The following NAV2 variants were observed in gnomAD, a reference collection of about 807,000 sequenced individuals.
The protein encoded by NAV2 is helicase, APC down-regulated 1.
Under a neutral mutation model 223.2 loss-of-function variants are expected in NAV2, and 54 were observed. That is an observed-to-expected ratio of 0.24 (90% confidence interval 0.19 to 0.30). The LOEUF is 0.30. Among genes scored for constraint, NAV2 ranks in the 10% least tolerant of loss-of-function variants. The pLI is 1.00. For missense variants in NAV2, 2,806 were observed against 3,147.5 expected (o/e 0.89, Z 2.60); for synonymous variants, 1,279 against 1,239.3 (o/e 1.03, Z -0.67).
intron 1 of NAV2, among the ~76,000 whole-genome samples, chr11:19,471,999 C>T (rs2041980445): frequency 6.6e-6 from 1 of 152,172 alleles, no homozygotes; most frequent in South Asian, 2.1e-4. Flanking sequence ...TGTACTTATC[C>T]CAACTAACGG....
intron 1 of NAV2, among the ~76,000 whole-genome samples, chr11:19,825,604 C>G (rs890670948): frequency 6.6e-6 from 1 of 152,214 alleles, no homozygotes; most frequent in African/African-American, 2.4e-5. Flanking sequence ...CATTCTAGCA[C>G]TTTCAGTGCA....
At chr11:19,644,482 G>A (rs1341934593) in intron 1 of NAV2, among the ~76,000 whole-genome samples, 1 of 152,226 alleles carries the variant, frequency 6.6e-6, no homozygotes, top group African/African-American at 2.4e-5. Flanking sequence ...CCTTTTGACT[G>A]AAGCTAAAGG....
intron 1 of NAV2, among the ~76,000 whole-genome samples, chr11:19,796,822 G>C (rs148351125): frequency 6.6e-6 from 1 of 152,162 alleles, no homozygotes; most frequent in Non-Finnish European, 1.5e-5. Context: ...GGCCTTGCTG[G>C]TACTTGCTGC....
intron 1 of NAV2, among the ~76,000 whole-genome samples, chr11:19,739,286 C>T (rs1273392214): frequency 2.0e-5 from 3 of 152,200 alleles, no homozygotes; most frequent in African/African-American, 7.2e-5. Context: ...TTCATATATA[C>T]TAGATTCTGT....
At chr11:19,381,684 G>A (rs555514046) in intron 1 of NAV2, among the ~76,000 whole-genome samples, 3 of 152,196 alleles carry the variant, frequency 2.0e-5, no homozygotes, top group Non-Finnish European at 4.4e-5. Context: ...GATTGGGAGA[G>A]GAACAGGTCA....
rs376798932 is a variant in NAV2, at chr11:19,801,274, C to T, written c.268-31210C>T. ...AAATGGTAGTCAGTCTGTGGTGGTG[C>T]GGCCTGCCCCCTGCCTGTGGGCAGC... On this transcript the variant is annotated intron_variant, in intron 1 of 37. Coordinates refer to ENST00000349880, the MANE Select transcript of NAV2 (RefSeq NM_145117.5). 2.5e-4 allele frequency among the ~76,000 whole-genome samples: 38 copies of T among 152,324 alleles called. 1 individual carries two copies. In the South Asian group the frequency reaches 7.0e-3, roughly 28 times the overall value.
intron 12 of NAV2, among the ~76,000 whole-genome samples, chr11:20,039,626 AG>A (rs2056729562): frequency 6.6e-6 from 1 of 152,196 alleles, no homozygotes; most frequent in African/African-American, 2.4e-5. Context: ...TTGGTGGCAA[AG>A]GGCTTTAACA....
At chr11:19,603,631 C>CAAAAAAAAAAAAAAAAAAAAAAAAAA (rs1222524445) in intron 1 of NAV2, among the ~76,000 whole-genome samples, 1 of 57,726 alleles carries the variant, frequency 1.7e-5, no homozygotes, top group African/African-American at 4.6e-5. Flanking sequence ...GACTCCATCT[C>CAAAAAAAAAAAAAAAAAAAAAAAAAA]AAAAAAAAAA....
chr11:19,855,059 G>A lies in NAV2; in HGVS notation c.438+12136G>A, dbSNP rs536112837. Among the ~76,000 whole-genome samples, 375 of 151,996 alleles carry A rather than the reference G, an allele frequency of 2.5e-3. 1 individual carries two copies. The highest frequency in any genetic ancestry group is 8.4e-3 in the African/African-American group (347 of 41,426). Reference sequence around the variant, plus strand: ...TCTAACTCTGATGTTTAATAGCTGCGGCTTAGGAAGGCTCTTAAACACTCT... The same window carrying A: ...TCTAACTCTGATGTTTAATAGCTGCAGCTTAGGAAGGCTCTTAAACACTCT... On this transcript the variant is annotated intron_variant, in intron 3 of 37. Coordinates refer to ENST00000349880, the MANE Select transcript of NAV2 (RefSeq NM_145117.5).
chr11:19,745,830 G>A (rs181696979), intron 1 of NAV2, among the ~76,000 whole-genome samples: 5 of 152,140 alleles, frequency 3.3e-5, no homozygotes, highest in East Asian at 3.9e-4. Context: ...ATGCTCACTC[G>A]CCCACCACTC....
intron 1 of NAV2, among the ~76,000 whole-genome samples, chr11:19,775,017 G>A (rs1346847483): frequency 2.6e-5 from 4 of 152,092 alleles, no homozygotes; most frequent in Non-Finnish European, 5.9e-5. Context: ...TGATCTTGCA[G>A]TATTTTCACA....
At chr11:19,462,605 G>A (rs1432777799) in intron 1 of NAV2, among the ~76,000 whole-genome samples, 2 of 152,218 alleles carry the variant, frequency 1.3e-5, no homozygotes, top group Non-Finnish European at 2.9e-5. Context: ...TAAACTGCCT[G>A]AGATAGAAGA....
chr11:19,757,033 A>T (rs1311117380), intron 1 of NAV2, among the ~76,000 whole-genome samples: 3 of 118,530 alleles, frequency 2.5e-5, no homozygotes, highest in African/African-American at 8.2e-5. Flanking sequence ...GGGCTGATCC[A>T]CGGGGAAGAC....
At chr11:19,782,802 A>C (rs1439883125) in intron 1 of NAV2, among the ~76,000 whole-genome samples, 1 of 152,238 alleles carries the variant, frequency 6.6e-6, no homozygotes, top group Admixed American at 6.5e-5. Context: ...CCTCCCACTA[A>C]GAATGGGTGT....
chr11:19,753,902 G>T (rs2054036474), intron 1 of NAV2, among the ~76,000 whole-genome samples: 2 of 152,204 alleles, frequency 1.3e-5, no homozygotes, highest in Non-Finnish European at 2.9e-5. Context: ...GTATTTATTT[G>T]CTCAGAGGGA....
At chr11:19,885,465 T>G (rs1776167073) in intron 5 of NAV2, among the ~76,000 whole-genome samples, 2 of 152,274 alleles carry the variant, frequency 1.3e-5, no homozygotes, top group South Asian at 4.1e-4. Flanking sequence ...CAGAAATTGC[T>G]GCTGGGGTAG....
intron 1 of NAV2, among the ~76,000 whole-genome samples, chr11:19,600,090 G>A (rs1353347587): frequency 6.6e-6 from 1 of 152,178 alleles, no homozygotes; most frequent in Non-Finnish European, 1.5e-5. Context: ...GTGCTAATGG[G>A]TGGGTTACTA....
intron 1 of NAV2, chr11:19,505,759 G>A (rs2043106352): frequency 6.6e-6 from 1 of 152,188 alleles, no homozygotes; most frequent in Non-Finnish European, 1.5e-5. Context: ...GGCTGAGTGG[G>A]AAGGCTGCCC....
At chr11:19,991,452 TC>T (rs2051324034) in intron 11 of NAV2, among the ~76,000 whole-genome samples, 1 of 152,158 alleles carries the variant, frequency 6.6e-6, no homozygotes, top group Non-Finnish European at 1.5e-5. Flanking sequence ...AATTCTTAGG[TC>T]CTGCAAGCTA....
Sources: gnomAD v4.1 joint callset for allele counts (sites outside exome capture counted in the v4.1 genomes callset) on GRCh38, gnomAD v4.1.1 for gene constraint, MANE v1.5 for transcripts, NCBI Gene and HGNC (gene_info 2026-07-23, HGNC 2026-07-21) for gene names.